The following DPYD variants were observed in gnomAD, a reference collection of about 807,000 sequenced individuals.
The protein encoded by DPYD is dihydropyrimidine dehydrogenase [NADP(+)].
DPYD carries 109 observed loss-of-function variants against 116.2 expected under a neutral mutation model. The observed-to-expected ratio is 0.94, with a 90% CI of 0.80 to 1.10. The LOEUF is 1.10. Among genes scored for constraint, DPYD ranks in the 50% least tolerant of loss-of-function variants. The pLI is 0.00. For missense variants in DPYD, 1,302 were observed against 1,254.5 expected (o/e 1.04, Z -0.57); for synonymous variants, 440 against 432.0 (o/e 1.02, Z -0.23).
At chr1:97,079,365 C>A (rs535702984) in intron 22 of DPYD, among the ~76,000 whole-genome samples, 2 of 152,044 alleles carry the variant, frequency 1.3e-5, no homozygotes, top group East Asian at 3.9e-4. Context: ...GTTTAAAATT[C>A]CTTAGGGGTA....
intron 14 of DPYD, among the ~76,000 whole-genome samples, chr1:97,443,661 C>T (rs534329092): frequency 2.6e-4 from 39 of 152,322 alleles, no homozygotes; most frequent in African/African-American, 8.9e-4. Context: ...ATGCTCTCGA[C>T]GTTCTTTGAT....
intron 18 of DPYD, among the ~76,000 whole-genome samples, chr1:97,288,551 T>C (rs1463882582): frequency 2.6e-5 from 4 of 151,874 alleles, no homozygotes; most frequent in African/African-American, 4.8e-5. Flanking sequence ...ACTGCTCAAC[T>C]ACACGGAAAC....
intron 20 of DPYD, among the ~76,000 whole-genome samples, chr1:97,138,669 G>T (rs1653983032): frequency 6.6e-6 from 1 of 152,122 alleles, no homozygotes; most frequent in Non-Finnish European, 1.5e-5. Context: ...GTGACAAAGT[G>T]TTGGGAAATT....
intron 8 of DPYD, among the ~76,000 whole-genome samples, chr1:97,620,968 TA>T (rs1278653224): frequency 6.6e-6 from 1 of 152,196 alleles, no homozygotes; most frequent in African/African-American, 2.4e-5. Context: ...CAAACTCAGC[TA>T]TCTAACAATC....
rs541460153 is a variant in DPYD at position 97,877,818 on chromosome 1, C to T, written c.150+5446G>A. Among the ~76,000 whole-genome samples the T allele has an allele frequency of 3.3e-5, 5 of 151,976 alleles. No homozygotes were observed. In the South Asian group the frequency reaches 6.2e-4, roughly 19 times the overall value. ...ATGTCAATGGAGGGACATATATTCTCCATCAAATTTAACAGATCCCAGTAG... is the reference window on the plus strand; with the variant it reads ...ATGTCAATGGAGGGACATATATTCTTCATCAAATTTAACAGATCCCAGTAG... On this transcript the variant is annotated intron_variant, in intron 2 of 22. Transcript: ENST00000370192.
chr1:97,820,307 TA>T (rs1668857146), intron 3 of DPYD, among the ~76,000 whole-genome samples: 1 of 152,122 alleles, frequency 6.6e-6, no homozygotes, highest in Non-Finnish European at 1.5e-5. Context: ...AGACGGGACA[TA>T]CCTGAAAAGC....
intron 16 of DPYD, among the ~76,000 whole-genome samples, chr1:97,338,783 G>C (rs1355712147): frequency 6.6e-6 from 1 of 152,106 alleles, no homozygotes; most frequent in Non-Finnish European, 1.5e-5. Flanking sequence ...CAGTTTACCA[G>C]TGCTCAAGAA....
intron 18 of DPYD, among the ~76,000 whole-genome samples, chr1:97,255,632 G>A (rs1467790615): frequency 1.3e-5 from 2 of 151,798 alleles, no homozygotes; most frequent in Admixed American, 6.6e-5. Flanking sequence ...TTTGTAAATT[G>A]TCCAATCTTG....
intron 21 of DPYD, among the ~76,000 whole-genome samples, chr1:97,087,107 A>G (rs916977463): frequency 6.6e-6 from 1 of 152,206 alleles, no homozygotes; most frequent in African/African-American, 2.4e-5. Context: ...CAAAAGCTGA[A>G]TGACGTTTGT....
chr1:97,584,361 GC>G (rs1295179875), intron 10 of DPYD, among the ~76,000 whole-genome samples: 3 of 151,976 alleles, frequency 2.0e-5, no homozygotes, highest in Non-Finnish European at 2.9e-5. Flanking sequence ...TCTGTAGGTT[GC>G]CTGTTCACTC....
chr1:97,827,186 A>C (rs1460288388), intron 3 of DPYD, among the ~76,000 whole-genome samples: 1 of 152,118 alleles, frequency 6.6e-6, no homozygotes, highest in Non-Finnish European at 1.5e-5. Flanking sequence ...CCTTTCTAGG[A>C]AGCTCTTAGG....
At chr1:97,546,679 C>T in intron 12 of DPYD, 3 of 1,612,900 alleles carry the variant, frequency 1.9e-6, no homozygotes, top group Non-Finnish European at 2.5e-6. Context: ...AATATCCATG[C>T]CATATCATGT....
intron 8 of DPYD, among the ~76,000 whole-genome samples, chr1:97,633,126 G>A (rs1657365870): frequency 6.6e-6 from 1 of 152,100 alleles, no homozygotes; most frequent in Non-Finnish European, 1.5e-5. Flanking sequence ...TGAGAGACCT[G>A]AAAGGTGAAC....
At chr1:97,836,976 A>G (rs1669800345) in intron 2 of DPYD, among the ~76,000 whole-genome samples, 1 of 152,180 alleles carries the variant, frequency 6.6e-6, no homozygotes, top group Non-Finnish European at 1.5e-5. Context: ...GTGCATTTTA[A>G]TACATGAGGA....
chr1:97,900,407 G>C (rs905049931), intron 1 of DPYD, among the ~76,000 whole-genome samples: 53 of 151,818 alleles, frequency 3.5e-4, no homozygotes, highest in Admixed American at 2.6e-4. Context: ...ACTAGGTATG[G>C]GAAGGACTGA....
chr1:97,161,623 A>G (rs1396864127), intron 20 of DPYD, among the ~76,000 whole-genome samples: 1 of 151,636 alleles, frequency 6.6e-6, no homozygotes, highest in African/African-American at 2.4e-5. Context: ...CACAATGTAC[A>G]GGTTAGTTAC....
chr1:97,577,682 G>C (rs1295553933), intron 10 of DPYD, among the ~76,000 whole-genome samples: 1 of 151,982 alleles, frequency 6.6e-6, no homozygotes, highest in Non-Finnish European at 1.5e-5. Flanking sequence ...TCATCTTAAA[G>C]ATCCTAAATT....
intron 16 of DPYD, among the ~76,000 whole-genome samples, chr1:97,362,171 G>A (rs1030329879): frequency 3.3e-5 from 5 of 152,298 alleles, no homozygotes; most frequent in African/African-American, 1.2e-4. Context: ...CGGACAAACA[G>A]AGAGCCAAAT....
intron 8 of DPYD, among the ~76,000 whole-genome samples, chr1:97,617,103 C>A (rs868514099): frequency 6.6e-6 from 1 of 152,100 alleles, no homozygotes; most frequent in Non-Finnish European, 1.5e-5. Flanking sequence ...TAGGAAAATT[C>A]TCTTTCTTTC....
Sources: allele counts gnomAD v4.1 joint callset (sites outside exome capture counted in the v4.1 genomes callset), GRCh38; gene constraint gnomAD v4.1.1; transcripts MANE v1.5; gene names NCBI Gene and HGNC (gene_info 2026-07-23, HGNC 2026-07-21).